The following RAB1B variants were observed in gnomAD, a reference collection of about 807,000 sequenced individuals.
RAB1B encodes the protein ras-related protein Rab-1B.
A neutral mutation model predicts 24.8 loss-of-function variants in RAB1B; 10 were observed. The ratio of observed to expected loss-of-function variants is 0.40; its 90% CI spans 0.25 to 0.68. The LOEUF is 0.68. Ranked by LOEUF, RAB1B falls within the 30% of genes least tolerant of loss-of-function variation. The probability of loss-of-function intolerance (pLI) is 0.37; values close to 1 mark genes in which losing one functional copy is unlikely to be tolerated. For synonymous variants in RAB1B, 99 were observed against 111.7 expected (o/e 0.89, Z 0.72); for missense variants, 154 against 271.2 (o/e 0.57, Z 3.04).
At chr11:66,275,752 G>A in intron 4 of RAB1B, 52 bp from the exon 5 acceptor site, 1 of 1,539,070 alleles carries the variant, frequency 6.5e-7, no homozygotes, top group Non-Finnish European at 8.8e-7. Context: ...CCAGGCCTGG[G>A]GTAGGGGTGA....
chr11:66,272,508 CT>C, intron 4 of RAB1B, 48 bp downstream of exon 4: 2 of 1,223,818 alleles, frequency 1.6e-6, no homozygotes, highest in Non-Finnish European at 1.2e-6. Context: ...AGCCTTAGGT[CT>C]TTGACTCTTC....
chr11:66,271,737 C>T, intron 1 of RAB1B, 60 bp from the exon 2 acceptor site: 2 of 1,214,966 alleles, frequency 1.6e-6, no homozygotes. Context: ...ATTGTGACTC[C>T]AGGATGATGG....
chr11:66,271,656 G>A (rs2134861404), intron 1 of RAB1B, 141 bp from the exon 2 acceptor site: 2 of 618,132 alleles, frequency 3.2e-6, no homozygotes, highest in East Asian at 5.7e-5. Flanking sequence ...GGGTGACAGA[G>A]TGAGACCTTA....
At chr11:66,269,423 G>C (rs752553731) in intron 1 of RAB1B, among the ~76,000 whole-genome samples, 14 of 152,208 alleles carry the variant, frequency 9.2e-5, no homozygotes, top group Non-Finnish European at 1.8e-4. Flanking sequence ...GGGATTCTCT[G>C]GTCCTCAAAC....
intron 1 of RAB1B, chr11:66,271,568 G>A: frequency 5.3e-6 from 2 of 380,542 alleles, no homozygotes; most frequent in Non-Finnish European, 9.6e-6. Context: ...TACGCAGGAA[G>A]CTGAGGTGGG....
chr11:66,277,246 T>G lies in RAB1B; in HGVS notation c.*1008T>G, dbSNP rs1223160811. 1.3e-5 allele frequency: 2 copies of G among 152,842 alleles called. No individual in the cohort carries two copies. The highest frequency in any genetic ancestry group is 2.9e-5 in the Non-Finnish European group (2 of 68,214). The allele number at this position is 152,842 out of a possible 1,614,324, so 9.5% of individuals were successfully genotyped here. On this transcript the variant is annotated 3_prime_UTR_variant, in exon 6 of 6. Transcript: ENST00000311481. ...CAGCTGCTTCCTGCAAGAAAGCAAG[T>G]CTTTGGTCTCCCTGAGAAGCCATGT...
chr11:66,276,333 T>A lies in RAB1B; in HGVS notation c.*95T>A. ...ACCTCCCTCTCCCTCTCCTGGGGCA[T>A]TTGAGTCTGTGGCTTTGGGGTGTCC... On this transcript the variant is annotated 3_prime_UTR_variant, in exon 6 of 6. Coordinates refer to ENST00000311481, the MANE Select transcript of RAB1B (RefSeq NM_030981.3). 1 of 1,242,374 alleles carries A rather than the reference T, an allele frequency of 8.0e-7. No individual in the cohort carries two copies. The highest frequency in any genetic ancestry group is 1.1e-6 in the Non-Finnish European group (1 of 922,176). The allele number at this position is 1,242,374 out of a possible 1,614,324, so 77.0% of individuals were successfully genotyped here. A position where few individuals can be genotyped will look rare whatever the true frequency, so the allele number is the denominator to read the frequency against.
intron 1 of RAB1B, 123 bp downstream of exon 1, chr11:66,268,816 C>T (rs1856989955): frequency 2.2e-6 from 2 of 896,232 alleles, no homozygotes; most frequent in Non-Finnish European, 1.4e-6. Flanking sequence ...GGTCCCTCTT[C>T]CGCTGACCCC....
chr11:66,268,775 G>C (rs1856987594), intron 1 of RAB1B, 82 bp downstream of exon 1: 2 of 1,384,426 alleles, frequency 1.4e-6, no homozygotes, highest in Non-Finnish European at 1.9e-6. Flanking sequence ...TGTCTGGCCC[G>C]GGTCAGGACT....
rs371190814 is a variant in RAB1B at position 66,276,196 on chromosome 11, C to G, written c.564C>G (p.Ile188Met). 59 of 1,605,214 alleles carry G rather than the reference C, an allele frequency of 3.7e-5. No individual in the cohort carries two copies. Among genetic ancestry groups the G allele is most frequent in the Non-Finnish European group, 4.9e-5 (58 of 1,177,416 alleles). ...GGGGCGAGCGGCCCAATCTCAAGAT[C>G]GACAGCACCCCTGTAAAGCCGGCTG... ...ASGGERPNLK[I>M]DSTPVKPAGG... Residue 188 changes from isoleucine (I) to methionine (M), a missense_variant, in exon 6 of 6, where the codon ATC (isoleucine) becomes ATG (methionine). Coordinates refer to ENST00000311481, the MANE Select transcript of RAB1B (RefSeq NM_030981.3).
Position 66,272,451 on chromosome 11 carries a change from CACTG to C in RAB1B, c.273_276del (p.Asp92ArgfsTer7). 6.3e-7 allele frequency: 1 copy of C among 1,589,738 alleles called. No individual in the cohort carries two copies. Among genetic ancestry groups the C allele is most frequent in the Non-Finnish European group, 8.6e-7 (1 of 1,165,990 alleles). On this transcript the variant is annotated frameshift_variant, in exon 4 of 6. Coordinates refer to ENST00000311481, the MANE Select transcript of RAB1B (RefSeq NM_030981.3). LOFTEE classifies it high-confidence loss of function. ...ATGGCATCATCGTGGTGTATGACGT[CACTG>C]ACCAGGTACTCCTGGACTAGCCATC...
At chr11:66,270,637 C>T (rs1056548057) in intron 1 of RAB1B, 8 of 152,260 alleles carry the variant, frequency 5.3e-5, no homozygotes, top group Admixed American at 5.2e-4. Flanking sequence ...GTCATACACT[C>T]CTAGGCTCCA....
intron 4 of RAB1B, among the ~76,000 whole-genome samples, chr11:66,274,026 G>A (rs1857102629): frequency 6.6e-6 from 1 of 152,134 alleles, no homozygotes; most frequent in Non-Finnish European, 1.5e-5. Flanking sequence ...CCAGACTGCA[G>A]TGCAGTGGTG....
chr11:66,270,159 G>C (rs1857031144), intron 1 of RAB1B: 1 of 152,190 alleles, frequency 6.6e-6, no homozygotes, highest in Non-Finnish European at 1.5e-5. Context: ...ACAGGTGTCA[G>C]TCACTGCACC....
chr11:66,272,515 T>C, intron 4 of RAB1B, 55 bp downstream of exon 4: 1 of 1,167,180 alleles, frequency 8.6e-7, no homozygotes, highest in East Asian at 2.4e-5. Context: ...GGTCTTTGAC[T>C]CTTCTTTTTC....
At chr11:66,268,875 G>A (rs1196169552) in intron 1 of RAB1B, among the ~76,000 whole-genome samples, 182 bp downstream of exon 1, 15 of 71,486 alleles carry the variant, frequency 2.1e-4, no homozygotes, top group Admixed American at 2.0e-3. Context: ...CAGGACCCCG[G>A]CTCAAAACCC....
chr11:66,276,157 T>C lies in RAB1B; in HGVS notation c.525T>C (p.Pro175=), dbSNP rs1457663033. ...CTGAAATCAAAAAGCGGATGGGGCC[T>C]GGAGCAGCCTCTGGGGGCGAGCGGC... is the stretch of plus-strand genomic sequence containing the variant. ...MAAEIKKRMG[P]GAASGGERPN... Residue 175 remains proline, a synonymous_variant, in exon 6 of 6, where the codon CCT becomes CCC. Transcript: ENST00000311481. 12 of 1,612,464 alleles carry C rather than the reference T, an allele frequency of 7.4e-6. No individual in the cohort carries two copies. The highest frequency in any genetic ancestry group is 8.5e-6 in the Non-Finnish European group (10 of 1,179,592).
In RAB1B at chr11:66,271,842, C is replaced by G; in HGVS notation, c.60C>G (p.Gly20=). ...TTTTGATTGGCGACTCAGGCGTGGG[C>G]AAGTCATGCCTGCTCCTGCGGTTTG... The part of the protein sequence containing the change: ...KLLLIGDSGV[G]KSCLLLRFAD... Residue 20 remains glycine (G), a synonymous_variant, in exon 2 of 6, where the codon GGC becomes GGG. Transcript: ENST00000311481. The G allele has an allele frequency of 6.2e-7, 1 of 1,614,014 alleles. No individual in the cohort carries two copies. Among genetic ancestry groups the G allele is most frequent in the South Asian group, 1.1e-5 (1 of 91,080 alleles).
chr11:66,274,204 C>G (rs1213432031), intron 4 of RAB1B, among the ~76,000 whole-genome samples: 3 of 152,148 alleles, frequency 2.0e-5, no homozygotes, highest in Admixed American at 1.3e-4. Flanking sequence ...CTCCCCCATC[C>G]AGTCAGTCTC....
Sources: gnomAD v4.1 joint callset for allele counts (sites outside exome capture counted in the v4.1 genomes callset) on GRCh38, gnomAD v4.1.1 for gene constraint, MANE v1.5 for transcripts, NCBI Gene and HGNC (gene_info 2026-07-23, HGNC 2026-07-21) for gene names.